The following ANAPC10 variants were observed in gnomAD, a reference collection of about 807,000 sequenced individuals.
ANAPC10 encodes anaphase promoting complex subunit 10.
ANAPC10 carries 12 observed loss-of-function variants against 22.0 expected under a neutral mutation model. The observed-to-expected ratio is 0.55, with a 90% CI of 0.35 to 0.88. ANAPC10 has a LOEUF of 0.88. Among genes scored for constraint, ANAPC10 ranks in the 40% least tolerant of loss-of-function variants. The probability of loss-of-function intolerance (pLI) is 0.01; values close to 1 mark genes in which losing one functional copy is unlikely to be tolerated. For synonymous variants in ANAPC10, 65 were observed against 69.5 expected (o/e 0.94, Z 0.32); for missense variants, 188 against 220.9 (o/e 0.85, Z 0.94).
chr4:145,059,621 C>T (rs1742583727), intron 4 of ANAPC10, among the ~76,000 whole-genome samples: 1 of 152,074 alleles, frequency 6.6e-6, no homozygotes. Context: ...AGTTGTTTCT[C>T]ATATAACAAT....
chr4:145,019,617 TAAAACAAAATTACA>T (rs1735691140), intron 4 of ANAPC10, among the ~76,000 whole-genome samples: 1 of 151,838 alleles, frequency 6.6e-6, no homozygotes, highest in African/African-American at 2.4e-5. Context: ...TAAATGAAAC[TAAAACAAAATTACA>T]AAAGATAAAT....
At chr4:145,038,516 GA>G (rs1223739079) in intron 4 of ANAPC10, among the ~76,000 whole-genome samples, 1 of 150,444 alleles carries the variant, frequency 6.6e-6, no homozygotes, top group Admixed American at 6.6e-5. Flanking sequence ...CCGTCTCAAA[GA>G]AAAAAAAGAA....
chr4:145,005,288 T>C (rs947626830), intron 4 of ANAPC10, among the ~76,000 whole-genome samples: 1 of 152,162 alleles, frequency 6.6e-6, no homozygotes, highest in Non-Finnish European at 1.5e-5. Flanking sequence ...TCTCAGGGAT[T>C]TTGGATTTCT....
chr4:145,034,543 A>ATATATATG (rs4029448), intron 4 of ANAPC10, among the ~76,000 whole-genome samples: 1 of 133,884 alleles, frequency 7.5e-6, no homozygotes, highest in Non-Finnish European at 1.5e-5. Flanking sequence ...ATATATATAT[A>ATATATATG]TGTGTGTGTG....
intron 4 of ANAPC10, among the ~76,000 whole-genome samples, chr4:145,009,973 C>A (rs780100950): frequency 3.2e-4 from 49 of 152,166 alleles, no homozygotes; most frequent in Non-Finnish European, 4.9e-4. Flanking sequence ...AACAAATTTA[C>A]AAGAAAAAAT....
intron 2 of ANAPC10, among the ~76,000 whole-genome samples, chr4:145,089,007 T>C (rs1747288457): frequency 6.6e-6 from 1 of 152,196 alleles, no homozygotes. Context: ...AGTTCTTCTC[T>C]GAAATCTTTG....
chr4:145,020,717 A>G lies in ANAPC10; in HGVS notation c.328-25114T>C, dbSNP rs1379194099. On this transcript the variant is annotated intron_variant, in intron 4 of 4. Transcript: ENST00000507656. ...CTCCAGAAAGCTCCTAGAACTGACA[A>G]AAGAATTCAGTAAAGTTTCCAGATA... is the stretch of plus-strand genomic sequence containing the variant. Among the ~76,000 whole-genome samples the G allele has an allele frequency of 2.0e-5, 3 of 152,174 alleles. No individual in the cohort carries two copies. The East Asian group carries it at 5.8e-4, about 29-fold the overall frequency.
chr4:145,042,627 T>C (rs1310319684), intron 4 of ANAPC10, among the ~76,000 whole-genome samples: 7 of 152,112 alleles, frequency 4.6e-5, no homozygotes, highest in Non-Finnish European at 4.4e-5. Flanking sequence ...CATGACAACT[T>C]ATCCTATAAA....
intron 4 of ANAPC10, among the ~76,000 whole-genome samples, chr4:145,038,200 C>T (rs1260697515): frequency 1.3e-5 from 2 of 151,956 alleles, no homozygotes; most frequent in Non-Finnish European, 2.9e-5. Flanking sequence ...GATAAAAGGT[C>T]ATTCAAAAGG....
At chr4:144,995,731 T>G (rs968046644) in intron 4 of ANAPC10, 128 bp from the exon 5 acceptor site, 2 of 673,322 alleles carry the variant, frequency 3.0e-6, no homozygotes, top group African/African-American at 3.6e-5. Context: ...AATATGATAA[T>G]AATCACTACC....
At chr4:145,008,407 C>T (rs1430105014) in intron 4 of ANAPC10, among the ~76,000 whole-genome samples, 2 of 152,184 alleles carry the variant, frequency 1.3e-5, no homozygotes, top group Admixed American at 6.5e-5. Context: ...AGACCAATAT[C>T]CCTGATGAAC....
Position 144,995,130 on chromosome 4 carries a change from G to T in ANAPC10, c.*243C>A. 1 of 275,102 alleles carries T rather than the reference G, an allele frequency of 3.6e-6. No homozygotes were observed. The highest frequency in any genetic ancestry group is 6.8e-6 in the Non-Finnish European group (1 of 147,486). 17.0% of individuals were successfully genotyped at this position (275,102 alleles called of 1,614,324 possible). On this transcript the variant is annotated 3_prime_UTR_variant, in exon 5 of 5. Transcript: ENST00000507656. ...GGAACTCTTTTCTTTTGATACAAGG[G>T]AAAATAAAATGATTGGCTTCAAATC...
At chr4:145,093,536 C>G (rs934014063) in intron 2 of ANAPC10, among the ~76,000 whole-genome samples, 3 of 149,916 alleles carry the variant, frequency 2.0e-5, no homozygotes, top group Admixed American at 6.7e-5. Context: ...AGACAGGAAT[C>G]TTAAATAACT....
At chr4:145,046,424 A>G (rs1740306229) in intron 4 of ANAPC10, among the ~76,000 whole-genome samples, 2 of 152,260 alleles carry the variant, frequency 1.3e-5, no homozygotes, top group Admixed American at 6.5e-5. Context: ...AACAAAATAA[A>G]TTCCATAAGC....
chr4:145,022,876 AT>A (rs1736160880), intron 4 of ANAPC10, among the ~76,000 whole-genome samples: 1 of 150,600 alleles, frequency 6.6e-6, no homozygotes, highest in African/African-American at 2.4e-5. Flanking sequence ...TCTTTTATGT[AT>A]TTTTGTATTA....
rs1406537717 is a variant in ANAPC10 at position 145,081,683 on chromosome 4, A to G, written c.183T>C (p.Pro61=). 2 of 1,611,218 alleles carry G rather than the reference A, an allele frequency of 1.2e-6. No individual in the cohort carries two copies. The highest frequency in any genetic ancestry group is 1.7e-6 in the Non-Finnish European group (2 of 1,178,722). The change falls in exon 3 of 5, where the codon CCT becomes CCC. Residue 61 remains proline, a synonymous_variant. Transcript: ENST00000507656. ...ETYWQSDGSQ[P]HLVNIQFRRK... ...ACCTGAATTGGATGTTCACTAAATG[A>G]GGCTGGGAACCATCTGATTGCCAAT...
chr4:144,997,382 A>T (rs1731783428), intron 4 of ANAPC10, among the ~76,000 whole-genome samples: 1 of 152,224 alleles, frequency 6.6e-6, no homozygotes. Flanking sequence ...GACTAATAGC[A>T]GATCTCTCAC....
chr4:145,086,442 T>C (rs1254686470), intron 2 of ANAPC10, among the ~76,000 whole-genome samples: 1 of 152,214 alleles, frequency 6.6e-6, no homozygotes, highest in Non-Finnish European at 1.5e-5. Context: ...ATGCAGTGGT[T>C]CGTACAGTGT....
At chr4:145,071,573 T>A (rs1744496740) in intron 3 of ANAPC10, among the ~76,000 whole-genome samples, 1 of 152,126 alleles carries the variant, frequency 6.6e-6, no homozygotes, top group African/African-American at 2.4e-5. Flanking sequence ...AAAAACCATA[T>A]GATCCGTATG....
Sources: gnomAD v4.1 joint callset for allele counts (sites outside exome capture counted in the v4.1 genomes callset) on GRCh38, gnomAD v4.1.1 for gene constraint, MANE v1.5 for transcripts, NCBI Gene and HGNC (gene_info 2026-07-23, HGNC 2026-07-21) for gene names.